The following TRIQK variants were observed in gnomAD, a reference collection of about 807,000 sequenced individuals.
TRIQK encodes the protein triple QxxK/R motif containing.
A neutral mutation model predicts 10.8 loss-of-function variants in TRIQK; 10 were observed. The ratio of observed to expected loss-of-function variants is 0.92; its 90% CI spans 0.57 to 1.57. TRIQK has a LOEUF of 1.57. TRIQK is among the 40% of genes most tolerant of loss of function. The pLI, the probability that TRIQK is intolerant of heterozygous loss-of-function variation, is 0.00. For missense variants in TRIQK, 107 were observed against 97.7 expected (o/e 1.09, Z -0.40); for synonymous variants, 33 against 33.7 (o/e 0.98, Z 0.07).
intron 1 of TRIQK, among the ~76,000 whole-genome samples, chr8:93,011,451 T>G (rs1011867350): frequency 6.6e-6 from 1 of 152,132 alleles, no homozygotes; most frequent in East Asian, 1.9e-4. Flanking sequence ...GATGGAAAAA[T>G]TGGTGGTGGT....
intron 1 of TRIQK, among the ~76,000 whole-genome samples, chr8:92,975,865 T>A (rs1438551952): frequency 1.3e-5 from 2 of 152,032 alleles, no homozygotes; most frequent in Admixed American, 6.6e-5. Context: ...TGAACATTTT[T>A]AAATTTTCAT....
chr8:93,003,177 T>C (rs1425489542), intron 1 of TRIQK, among the ~76,000 whole-genome samples: 2 of 152,136 alleles, frequency 1.3e-5, no homozygotes, highest in African/African-American at 4.8e-5. Context: ...AAGAACTACC[T>C]GAGACTGGGC....
At chr8:92,957,838 G>A (rs755817180) in intron 1 of TRIQK, among the ~76,000 whole-genome samples, 17 of 151,816 alleles carry the variant, frequency 1.1e-4, no homozygotes, top group Admixed American at 2.6e-4. Flanking sequence ...GCTCACATAA[G>A]TTTACCTACC....
Position 92,892,066 on chromosome 8 carries a change from C to G in TRIQK, c.70G>C (p.Asp24His). 6.6e-7 allele frequency: 1 copy of G among 1,521,002 alleles called. No individual in the cohort carries two copies. The highest frequency in any genetic ancestry group is 2.5e-5 in the East Asian group (1 of 40,612). 94.2% of individuals were successfully genotyped at this position (1,521,002 alleles called of 1,614,324 possible). A position where few individuals can be genotyped will look rare whatever the true frequency, so the allele number is the denominator to read the frequency against. The stretch of plus-strand genomic sequence containing the variant: ...AAAATAGGTTTAGTTTTTTTATAAT[C>G]CTGTTTACCTAGAAAGAAATAGTTT... Reference protein sequence around the residue: ...DQYRKQIGKQDYKKTKPILRA... With the variant: ...DQYRKQIGKQHYKKTKPILRA... Residue 24 changes from aspartate to histidine, a missense_variant, in exon 4 of 5, where the codon GAT becomes CAT. By Grantham distance (81) the Asp-to-His change is moderately conservative. Coordinates refer to ENST00000521988, the MANE Select transcript of TRIQK (RefSeq NM_001171797.2).
intron 2 of TRIQK, among the ~76,000 whole-genome samples, chr8:92,924,537 A>G (rs1047127271): frequency 1.3e-5 from 2 of 151,964 alleles, no homozygotes; most frequent in Admixed American, 1.3e-4. Flanking sequence ...ATATTGTAAT[A>G]TTGCACACAA....
chr8:92,983,820 T>G (rs970380597), intron 1 of TRIQK, among the ~76,000 whole-genome samples: 15 of 151,950 alleles, frequency 9.9e-5, no homozygotes, highest in Non-Finnish European at 2.9e-5. Flanking sequence ...TCACTTAAGT[T>G]TTTTCACACT....
intron 2 of TRIQK, among the ~76,000 whole-genome samples, chr8:92,937,382 G>A (rs886846532): frequency 4.6e-5 from 7 of 151,670 alleles, no homozygotes; most frequent in East Asian, 1.9e-4. Context: ...AATTAAGATC[G>A]CTTGCACAGG....
intron 1 of TRIQK, chr8:92,963,588 T>C (rs958850701): frequency 6.6e-6 from 1 of 152,156 alleles, no homozygotes; most frequent in Admixed American, 6.5e-5. Context: ...ATGGATTTAA[T>C]GTTCATCTCA....
intron 2 of TRIQK, among the ~76,000 whole-genome samples, chr8:92,947,486 A>C (rs1811608624): frequency 6.8e-6 from 1 of 146,538 alleles, no homozygotes; most frequent in Admixed American, 7.0e-5. Context: ...CGGGAGGCTG[A>C]GGCAGGAGAA....
At position 92,886,654 on chromosome 8, in the gene TRIQK, C is replaced by G; in HGVS notation, c.229G>C (p.Val77Leu). 6.5e-7 allele frequency: 1 copy of G among 1,530,464 alleles called. No individual in the cohort carries two copies. The highest frequency in any genetic ancestry group is 8.8e-7 in the Non-Finnish European group (1 of 1,142,424). 94.8% of individuals were successfully genotyped at this position (1,530,464 alleles called of 1,614,324 possible). Residue 77 changes from valine to leucine, a missense_variant, in exon 5 of 5, where the codon GTT becomes CTT. Physicochemically the swap from Val to Leu is conservative, Grantham distance 32 (BLOSUM62 1). Coordinates refer to ENST00000521988, the MANE Select transcript of TRIQK (RefSeq NM_001171797.2). ...TCATCTTGGTCCAGATCAGGGTCAA[C>G]ATCCGTGGTGAGTCTGAGATAAAAG... Reference protein sequence around the residue: ...AFFYLRLTTDVDPDLDQDED With the variant: ...AFFYLRLTTDLDPDLDQDED
intron 1 of TRIQK, among the ~76,000 whole-genome samples, chr8:92,984,998 T>C (rs755543567): frequency 1.3e-5 from 2 of 152,214 alleles, no homozygotes; most frequent in African/African-American, 2.4e-5. Flanking sequence ...GCAATTTTAA[T>C]GAAAAATTTA....
intron 2 of TRIQK, 22 bp from the exon 3 acceptor site, chr8:92,917,032 T>A (rs1322971621): frequency 7.0e-7 from 1 of 1,438,230 alleles, no homozygotes; most frequent in South Asian, 1.5e-5. Flanking sequence ...ACAATTATAA[T>A]GAAAATTTTT....
chr8:92,927,648 G>C lies in TRIQK; in HGVS notation c.-21-10638C>G, dbSNP rs568447659. ...GATATGTTAAGGAACTGAAAGACCA[G>C]GATAATGCATATGTCATACATGTGA... On this transcript the variant is annotated intron_variant, in intron 2 of 4. Transcript: ENST00000521988. Among the ~76,000 whole-genome samples, 29 of 152,222 alleles carry C rather than the reference G, an allele frequency of 1.9e-4. 1 individual carries two copies. The South Asian group carries it at 5.0e-3, about 26-fold the overall frequency.
At chr8:92,939,255 C>A (rs1415495429) in intron 2 of TRIQK, among the ~76,000 whole-genome samples, 2 of 152,166 alleles carry the variant, frequency 1.3e-5, no homozygotes, top group African/African-American at 2.4e-5. Flanking sequence ...GGGGTCTCAA[C>A]TAAATGCCCT....
At chr8:92,916,840 T>A (rs896411789) in intron 3 of TRIQK, 89 bp downstream of exon 3, 1 of 946,032 alleles carries the variant, frequency 1.1e-6, no homozygotes, top group Middle Eastern at 2.9e-4. Context: ...GTGTATCATA[T>A]GTATTAGAGA....
intron 2 of TRIQK, among the ~76,000 whole-genome samples, chr8:92,927,482 T>G (rs1462322503): frequency 6.6e-6 from 1 of 151,842 alleles, no homozygotes. Context: ...AACCAAATAC[T>G]AGGAGTGAAA....
chr8:92,991,963 C>T (rs979345217), intron 1 of TRIQK, among the ~76,000 whole-genome samples: 1 of 152,102 alleles, frequency 6.6e-6, no homozygotes, highest in Non-Finnish European at 1.5e-5. Context: ...GGAAGGACCC[C>T]TTCAAAGAGA....
At chr8:92,932,483 C>G (rs1427989537) in intron 2 of TRIQK, among the ~76,000 whole-genome samples, 4 of 152,030 alleles carry the variant, frequency 2.6e-5, no homozygotes, top group African/African-American at 9.7e-5. Context: ...TGGTACCTGC[C>G]TAATTTCTCC....
intron 4 of TRIQK, among the ~76,000 whole-genome samples, chr8:92,890,470 A>G (rs1369969704): frequency 6.6e-6 from 1 of 151,798 alleles, no homozygotes; most frequent in Non-Finnish European, 1.5e-5. Context: ...AGATTAGCAA[A>G]TTCTACAGTG....
Sources: allele counts gnomAD v4.1 joint callset (sites outside exome capture counted in the v4.1 genomes callset), GRCh38; gene constraint gnomAD v4.1.1; transcripts MANE v1.5; gene names NCBI Gene and HGNC (gene_info 2026-07-23, HGNC 2026-07-21).